The following SLC16A10 variants were observed in gnomAD, a reference collection of about 807,000 sequenced individuals.
SLC16A10 encodes the protein solute carrier family 16 member 10.
A neutral mutation model predicts 40.0 loss-of-function variants in SLC16A10; 27 were observed. The ratio of observed to expected loss-of-function variants is 0.67; its 90% CI spans 0.50 to 0.93. The LOEUF (loss-of-function observed/expected upper bound fraction) is 0.93, where lower values mean the gene tolerates loss of function less well. Among genes scored for constraint, SLC16A10 ranks in the 40% least tolerant of loss-of-function variants. The pLI is 0.00. For synonymous variants in SLC16A10, 213 were observed against 249.8 expected, an observed-to-expected ratio of 0.85 and a Z score of 1.39; for missense variants, 529 against 658.2, an observed-to-expected ratio of 0.80 and a Z score of 2.15.
chr6:111,181,726 G>A (rs911778693), intron 3 of SLC16A10, among the ~76,000 whole-genome samples: 18 of 152,296 alleles, frequency 1.2e-4, no homozygotes, highest in African/African-American at 3.6e-4. Context: ...TCAAAGTGAG[G>A]TTGGAGGTTT....
intron 1 of SLC16A10, among the ~76,000 whole-genome samples, chr6:111,105,680 A>G (rs1411493780): frequency 6.6e-6 from 1 of 152,224 alleles, no homozygotes; most frequent in Non-Finnish European, 1.5e-5. Context: ...TTTTCAATGC[A>G]TAAAGCACTA....
chr6:111,172,913 G>T, intron 2 of SLC16A10, 74 bp downstream of exon 2: 1 of 1,522,000 alleles, frequency 6.6e-7, no homozygotes, highest in African/African-American at 1.4e-5. Flanking sequence ...CAGAAACTAT[G>T]CTATTTACAA....
chr6:111,180,157 A>G (rs1324960944), intron 3 of SLC16A10, among the ~76,000 whole-genome samples: 4 of 152,240 alleles, frequency 2.6e-5, no homozygotes, highest in Admixed American at 6.5e-5. Context: ...GCACTTTTAC[A>G]TACATTCTCT....
chr6:111,221,087 CAGAT>C (rs1433572824), intron 5 of SLC16A10, among the ~76,000 whole-genome samples: 3 of 152,242 alleles, frequency 2.0e-5, no homozygotes, highest in Admixed American at 2.0e-4. Flanking sequence ...TTAACAATGT[CAGAT>C]AGATATTTAG....
intron 3 of SLC16A10, among the ~76,000 whole-genome samples, chr6:111,198,799 T>C (rs1325099873): frequency 1.3e-5 from 2 of 152,350 alleles, no homozygotes. Context: ...ATTTAGCCGA[T>C]AGGTGACTTT....
Position 111,218,859 on chromosome 6 carries a change from CTG to C in SLC16A10, c.1136_1137del (p.Cys379Ter). 1 of 1,614,166 alleles carries C rather than the reference CTG, an allele frequency of 6.2e-7. No homozygotes were observed. The highest frequency in any genetic ancestry group is 8.5e-7 in the Non-Finnish European group (1 of 1,180,036). ...FIGLMSMMIP[L>X]CSIFGALIAV... Reference sequence around the variant, plus strand: ...TGGTCTGATGTCCATGATGATTCCTCTGTGTAGCATCTTTGGGGCCCTCATTG... The same window carrying C: ...TGGTCTGATGTCCATGATGATTCCTCTGTAGCATCTTTGGGGCCCTCATTG... On this transcript the variant is annotated frameshift_variant, in exon 5 of 6. Transcript: ENST00000368851. LOFTEE classifies it high-confidence loss of function.
chr6:111,138,851 A>G (rs1432814270), intron 1 of SLC16A10, among the ~76,000 whole-genome samples: 2 of 152,116 alleles, frequency 1.3e-5, no homozygotes, highest in Non-Finnish European at 2.9e-5. Flanking sequence ...TTTGGGGCTT[A>G]TGTATATAAG....
At chr6:111,183,780 TA>T (rs1485365047) in intron 3 of SLC16A10, among the ~76,000 whole-genome samples, 1 of 152,128 alleles carries the variant, frequency 6.6e-6, no homozygotes, top group Non-Finnish European at 1.5e-5. Flanking sequence ...AATTTTAAGA[TA>T]AATAGAAGAA....
At chr6:111,175,462 A>C (rs1583344821) in intron 2 of SLC16A10, among the ~76,000 whole-genome samples, 1 of 152,324 alleles carries the variant, frequency 6.6e-6, no homozygotes, top group Non-Finnish European at 1.5e-5. Context: ...AGTATTTTTA[A>C]TATACACTTT....
intron 1 of SLC16A10, among the ~76,000 whole-genome samples, chr6:111,103,401 A>G (rs1345988463): frequency 6.6e-6 from 1 of 152,106 alleles, no homozygotes; most frequent in African/African-American, 2.4e-5. Context: ...TATTTTTAGT[A>G]GAAATGGGGT....
chr6:111,097,680 T>A (rs1473141161), intron 1 of SLC16A10, among the ~76,000 whole-genome samples: 2 of 152,178 alleles, frequency 1.3e-5, no homozygotes, highest in African/African-American at 4.8e-5. Context: ...AATACAGAAT[T>A]ATAATATTGA....
chr6:111,177,628 T>G lies in SLC16A10; in HGVS notation c.905T>G (p.Leu302Arg). 1 of 1,577,786 alleles carries G rather than the reference T, an allele frequency of 6.3e-7. No homozygotes were observed. The highest frequency in any genetic ancestry group is 8.6e-7 in the Non-Finnish European group (1 of 1,162,330). Residue 302 changes from leucine to arginine, a missense_variant, in exon 3 of 6, where the codon CTT becomes CGT. Transcript: ENST00000368851. ...AYAVWAVGIP[L>R]ALFGYFVPYV... ...GCAGTGTGGGCAGTTGGAATACCACTTGCACTTTTTGGATACTTTGTGCCT... is the reference window on the plus strand; with the variant it reads ...GCAGTGTGGGCAGTTGGAATACCACGTGCACTTTTTGGATACTTTGTGCCT...
intron 1 of SLC16A10, among the ~76,000 whole-genome samples, chr6:111,156,060 A>T (rs948447826): frequency 2.0e-5 from 3 of 152,248 alleles, no homozygotes; most frequent in Admixed American, 1.3e-4. Flanking sequence ...AAAGGGTCAC[A>T]GGAGCCATGT....
chr6:111,129,454 T>G (rs1056619368), intron 1 of SLC16A10, among the ~76,000 whole-genome samples: 2 of 152,248 alleles, frequency 1.3e-5, no homozygotes, highest in African/African-American at 4.8e-5. Flanking sequence ...TTATCAATAT[T>G]TTGTTCTTGT....
intron 1 of SLC16A10, among the ~76,000 whole-genome samples, chr6:111,094,822 G>T (rs1269653332): frequency 6.6e-6 from 1 of 152,090 alleles, no homozygotes; most frequent in East Asian, 1.9e-4. Flanking sequence ...AAATTTTTAT[G>T]TGGAGATGGC....
chr6:111,191,629 C>A (rs1772993923), intron 3 of SLC16A10, among the ~76,000 whole-genome samples: 1 of 152,218 alleles, frequency 6.6e-6, no homozygotes, highest in Admixed American at 6.5e-5. Flanking sequence ...AATTTACACT[C>A]CCACCAACAG....
intron 1 of SLC16A10, among the ~76,000 whole-genome samples, chr6:111,101,452 T>G (rs1771187180): frequency 6.6e-6 from 1 of 152,172 alleles, no homozygotes; most frequent in Admixed American, 6.5e-5. Flanking sequence ...CCAGGTACCC[T>G]ATAATCAAAT....
intron 3 of SLC16A10, among the ~76,000 whole-genome samples, chr6:111,180,579 G>T (rs1772771893): frequency 6.6e-6 from 1 of 151,956 alleles, no homozygotes; most frequent in African/African-American, 2.4e-5. Context: ...TCTAAAGGAA[G>T]AACAGATTGA....
chr6:111,088,868 A>G (rs1770923046), intron 1 of SLC16A10, among the ~76,000 whole-genome samples: 1 of 152,132 alleles, frequency 6.6e-6, no homozygotes, highest in African/African-American at 2.4e-5. Flanking sequence ...GGTTAGGCAA[A>G]AAACAAATCT....
Sources: gnomAD v4.1 joint callset for allele counts (sites outside exome capture counted in the v4.1 genomes callset) on GRCh38, gnomAD v4.1.1 for gene constraint, MANE v1.5 for transcripts, NCBI Gene and HGNC (gene_info 2026-07-23, HGNC 2026-07-21) for gene names.